Variants in LTBP1 observed in about 807,000 individuals in gnomAD.
The protein encoded by LTBP1 is latent transforming growth factor beta binding protein 1.
Under a neutral mutation model 207.6 loss-of-function variants are expected in LTBP1, and 129 were observed. The ratio of observed to expected loss-of-function variants is 0.62; its 90% CI spans 0.54 to 0.72. The LOEUF (loss-of-function observed/expected upper bound fraction) is 0.72, where lower values mean the gene tolerates loss of function less well. Ranked by LOEUF, LTBP1 falls within the 30% of genes least tolerant of loss-of-function variation. The pLI, the probability that LTBP1 is intolerant of heterozygous loss-of-function variation, is 0.00. For missense variants in LTBP1, 2,281 were observed against 2,217.2 expected, an observed-to-expected ratio of 1.03 and a Z score of -0.58; for synonymous variants, 963 against 833.7, an observed-to-expected ratio of 1.16 and a Z score of -2.67.
intron 25 of LTBP1, among the ~76,000 whole-genome samples, chr2:33,346,736 A>G (rs1398264597): frequency 4.6e-5 from 7 of 151,846 alleles, no homozygotes; most frequent in Non-Finnish European, 8.8e-5. Flanking sequence ...AGACTTCATT[A>G]TGTTGAAAAG....
intron 9 of LTBP1, among the ~76,000 whole-genome samples, chr2:33,239,704 C>A (rs1441419428): frequency 1.3e-5 from 2 of 149,410 alleles, no homozygotes; most frequent in Admixed American, 6.7e-5. Flanking sequence ...ACCAGCCTGG[C>A]CAACATGGTG....
At chr2:33,037,792 A>G (rs982431536) in intron 3 of LTBP1, among the ~76,000 whole-genome samples, 5 of 152,200 alleles carry the variant, frequency 3.3e-5, no homozygotes, top group African/African-American at 1.2e-4. Flanking sequence ...ACCATGGCTC[A>G]CTGCAGCCTT....
rs61065486 is a variant in LTBP1 at position 33,121,159 on chromosome 2, C to CTTTTTTTTTTTTTT, written c.1033+10419_1033+10432dup. 4.6e-3 allele frequency among the ~76,000 whole-genome samples: 406 copies of CTTTTTTTTTTTTTT among 87,528 alleles called. 9 individuals carry two copies. Among genetic ancestry groups the CTTTTTTTTTTTTTT allele is most frequent in the Middle Eastern group, 0.012 (1 of 84 alleles). The allele number at this position is 87,528 out of a possible 152,430, so 57.4% of individuals were successfully genotyped here. A position where few individuals can be genotyped will look rare whatever the true frequency, so the allele number is the denominator to read the frequency against. The stretch of plus-strand genomic sequence containing the variant: ...TCAGTGGAAATAAATTTTGTAAAGT[C>CTTTTTTTTTTTTTT]TTTTTTTTTTTTTTTTTTTTTTTTA... On this transcript the variant is annotated intron_variant, in intron 4 of 33. Coordinates refer to ENST00000404816, the MANE Select transcript of LTBP1 (RefSeq NM_206943.4).
chr2:33,385,604 G>C (rs2095258734), intron 31 of LTBP1, among the ~76,000 whole-genome samples: 1 of 152,170 alleles, frequency 6.6e-6, no homozygotes, highest in Admixed American at 6.5e-5. Context: ...GGAAACTGAG[G>C]CTTGCCCAAA....
chr2:33,092,967 G>T (rs1043544032), intron 3 of LTBP1, among the ~76,000 whole-genome samples: 9 of 152,130 alleles, frequency 5.9e-5, no homozygotes, highest in Non-Finnish European at 1.3e-4. Flanking sequence ...CTTTTAGGGG[G>T]AATGTTTCAG....
At chr2:33,042,064 T>G (rs530772699) in intron 3 of LTBP1, among the ~76,000 whole-genome samples, 1 of 152,230 alleles carries the variant, frequency 6.6e-6, no homozygotes, top group Non-Finnish European at 1.5e-5. Flanking sequence ...CGTAGCTCAT[T>G]GGGCTTTTAA....
chr2:33,055,945 A>C (rs1002313440), intron 3 of LTBP1, among the ~76,000 whole-genome samples: 3 of 152,094 alleles, frequency 2.0e-5, no homozygotes, highest in Admixed American at 1.3e-4. Context: ...AGCTATAGGG[A>C]GGCTAGGATA....
At chr2:33,360,308 G>A (rs2094912915) in intron 26 of LTBP1, among the ~76,000 whole-genome samples, 1 of 152,168 alleles carries the variant, frequency 6.6e-6, no homozygotes, top group African/African-American at 2.4e-5. Flanking sequence ...AGGAGATATG[G>A]AAACTCTACT....
Position 33,388,037 on chromosome 2 carries a change from G to T in LTBP1, c.4712-1147G>T, listed in dbSNP as rs150965946. 2.9e-3 allele frequency among the ~76,000 whole-genome samples: 448 copies of T among 152,302 alleles called. 1 individual carries two copies. Among genetic ancestry groups the T allele is most frequent in the Middle Eastern group, 0.01 (3 of 294 alleles). ...GATGTATCTTTGGGAAGTGTATTTT[G>T]TGGAACATACTCAGAACATGAGGCT... On this transcript the variant is annotated intron_variant, in intron 31 of 33. Transcript: ENST00000404816.
intron 19 of LTBP1, among the ~76,000 whole-genome samples, chr2:33,290,136 CTT>C (rs1491435190): frequency 1.3e-5 from 2 of 152,184 alleles, no homozygotes; most frequent in African/African-American, 4.8e-5. Context: ...GGCAACCTCA[CTT>C]TATAACAATC....
chr2:33,205,775 G>C (rs1383536388), intron 7 of LTBP1, among the ~76,000 whole-genome samples: 1 of 152,168 alleles, frequency 6.6e-6, no homozygotes, highest in African/African-American at 2.4e-5. Context: ...TTTGGAGACA[G>C]AGCCTAAAAG....
chr2:33,125,886 T>G (rs915754540), intron 4 of LTBP1, among the ~76,000 whole-genome samples: 3 of 152,010 alleles, frequency 2.0e-5, no homozygotes, highest in African/African-American at 7.2e-5. Flanking sequence ...AAACATTACC[T>G]TAGAGTTTCT....
rs924345606 is a variant in LTBP1, at chr2:33,342,937, C to G, written c.3830C>G (p.Ala1277Gly). ...TGCCTCTGTTATCAGGGCTTTCAAG[C>G]CCCACAGGATGGGCAAGGGTGTGTG... ...FRCLCYQGFQ[A>G]PQDGQGCVDV... Residue 1277 changes from alanine (A) to glycine (G), a missense_variant, in exon 25 of 34, where the codon GCC (alanine) becomes GGC (glycine). Coordinates refer to ENST00000404816, the MANE Select transcript of LTBP1 (RefSeq NM_206943.4). The G allele has an allele frequency of 1.2e-6, 2 of 1,613,928 alleles. No individual in the cohort carries two copies. The highest frequency in any genetic ancestry group is 1.7e-6 in the Non-Finnish European group (2 of 1,179,830).
chr2:33,057,490 G>A (rs529889808), intron 3 of LTBP1, among the ~76,000 whole-genome samples: 11 of 152,324 alleles, frequency 7.2e-5, no homozygotes, highest in Middle Eastern at 3.4e-3. Flanking sequence ...AGCTCTCATC[G>A]GGGAGGCTCA....
At chr2:33,155,005 G>C (rs576411883) in intron 5 of LTBP1, among the ~76,000 whole-genome samples, 1 of 152,164 alleles carries the variant, frequency 6.6e-6, no homozygotes, top group Non-Finnish European at 1.5e-5. Context: ...GGAGGACGCA[G>C]TGAGCCGAGA....
chr2:33,087,014 T>C (rs1366625139), intron 3 of LTBP1, among the ~76,000 whole-genome samples: 1 of 151,554 alleles, frequency 6.6e-6, no homozygotes, highest in Non-Finnish European at 1.5e-5. Context: ...CTTAGAGTCT[T>C]CTTTGGTGTC....
chr2:32,960,032 T>C (rs1678833546), intron 2 of LTBP1, among the ~76,000 whole-genome samples: 1 of 152,174 alleles, frequency 6.6e-6, no homozygotes, highest in Admixed American at 6.5e-5. Flanking sequence ...AATATGATTA[T>C]TGTAAAAGCT....
intron 7 of LTBP1, among the ~76,000 whole-genome samples, chr2:33,210,418 G>A (rs2090220967): frequency 3.3e-5 from 5 of 151,852 alleles, no homozygotes; most frequent in Admixed American, 3.3e-4. Context: ...ACATTTCAGG[G>A]GAAGTACTAG....
chr2:32,981,555 C>A (rs1682765565), intron 2 of LTBP1, among the ~76,000 whole-genome samples: 1 of 152,150 alleles, frequency 6.6e-6, no homozygotes, highest in African/African-American at 2.4e-5. Flanking sequence ...TCCTTACATG[C>A]AGGACTGGAA....
Sources: allele counts gnomAD v4.1 joint callset (sites outside exome capture counted in the v4.1 genomes callset), GRCh38; gene constraint gnomAD v4.1.1; transcripts MANE v1.5; gene names NCBI Gene and HGNC (gene_info 2026-07-23, HGNC 2026-07-21).